Variants in MMP9 observed in about 807,000 individuals in gnomAD.
The protein encoded by MMP9 is matrix metallopeptidase 9.
A neutral mutation model predicts 76.4 loss-of-function variants in MMP9; 73 were observed. The observed-to-expected ratio is 0.96, with a 90% confidence interval of 0.79 to 1.16. The LOEUF is 1.16. Ranked by LOEUF, MMP9 falls within the 50% of genes most tolerant of loss-of-function variation. The pLI, the probability that MMP9 is intolerant of heterozygous loss-of-function variation, is 0.00. For missense variants in MMP9, 943 were observed against 973.0 expected, an observed-to-expected ratio of 0.97 and a Z score of 0.41; for synonymous variants, 412 against 408.4, an observed-to-expected ratio of 1.01 and a Z score of -0.11.
chr20:46,011,878 C>T lies in MMP9; in HGVS notation c.997+131C>T, dbSNP rs1014590819. ...TCCTCAGGACGACCGTGACTCCGCC[C>T]ACCTACACCACATTTCCACCACTAT... On this transcript the variant is annotated intron_variant, in intron 6 of 12. Transcript: ENST00000372330. The T allele has an allele frequency of 3.5e-5, 41 of 1,164,140 alleles. 1 individual carries two copies. The African/African-American group carries it at 5.3e-4, about 15-fold the overall frequency. The allele number at this position is 1,164,140 out of a possible 1,614,324, so 72.1% of individuals were successfully genotyped here.
chr20:46,010,321 C>CAAAAGAAAAAA (rs2084268143), intron 2 of MMP9, among the ~76,000 whole-genome samples, 162 bp from the exon 3 acceptor site: 1 of 62,504 alleles, frequency 1.6e-5, no homozygotes, highest in African/African-American at 8.7e-5. Context: ...TCTAAGTAGA[C>CAAAAGAAAAAA]AAAAAAAAAA....
chr20:46,011,692 C>G lies in MMP9; in HGVS notation c.942C>G (p.Cys314Trp). ...GTCGCTCCGACGGCTACCGCTGGTGCGCCACCACCGCCAACTACGACCGGG... is the reference window on the plus strand; with the variant it reads ...GTCGCTCCGACGGCTACCGCTGGTGGGCCACCACCGCCAACTACGACCGGG... ...TDGRSDGYRW[C>W]ATTANYDRDK... The change falls in exon 6 of 13, where the codon TGC becomes TGG. Residue 314 changes from cysteine (C) to tryptophan (W), a missense_variant. By Grantham distance (215) the Cys-to-Trp change is radical (BLOSUM62 -2). Transcript: ENST00000372330. 1 of 1,613,912 alleles carries G rather than the reference C, an allele frequency of 6.2e-7. No individual in the cohort carries two copies.
In MMP9 at chr20:46,012,455, T is replaced by G. The variant is rs1398587848; in HGVS notation, c.1203T>G (p.His401Gln). 3 of 1,613,974 alleles carry G rather than the reference T, an allele frequency of 1.9e-6. No homozygotes were observed. Among genetic ancestry groups the G allele is most frequent in the Non-Finnish European group, 2.5e-6 (3 of 1,179,974 alleles). ...ACAGTTTGTTCCTCGTGGCGGCGCA[T>G]GAGTTCGGCCACGCGCTGGGCTTAG... is the stretch of plus-strand genomic sequence containing the variant. ...QGYSLFLVAA[H>Q]EFGHALGLDH... The change falls in exon 8 of 13, where the codon CAT becomes CAG. Residue 401 changes from histidine (H) to glutamine (Q), a missense_variant. Transcript: ENST00000372330.
chr20:46,010,321 C>CAAAAAAAAA lies in MMP9; in HGVS notation c.372-150_372-142dup, dbSNP rs58031394. Among the ~76,000 whole-genome samples, 151 of 62,426 alleles carry CAAAAAAAAA rather than the reference C, an allele frequency of 2.4e-3. 15 individuals carry two copies. The highest frequency in any genetic ancestry group is 7.4e-3 in the African/African-American group (85 of 11,468). 41.0% of individuals were successfully genotyped at this position (62,426 alleles called of 152,430 possible). A position where few individuals can be genotyped will look rare whatever the true frequency, so the allele number is the denominator to read the frequency against. On this transcript the variant is annotated intron_variant, in intron 2 of 12. Transcript: ENST00000372330. ...GGGCCATTGTGAGGGTCTAAGTAGA[C>CAAAAAAAAA]AAAAAAAAAAAAAAAAAAAACAGTC... is the stretch of plus-strand genomic sequence containing the variant.
At chr20:46,012,871 A>G (rs1279972516) in intron 8 of MMP9, among the ~76,000 whole-genome samples, 1 of 152,180 alleles carries the variant, frequency 6.6e-6, no homozygotes, top group Non-Finnish European at 1.5e-5. Context: ...AGGCGGGAGG[A>G]TTGCTTAAGC....
intron 11 of MMP9, 22 bp downstream of exon 11, chr20:46,014,296 G>C: frequency 1.3e-6 from 2 of 1,532,402 alleles, no homozygotes; most frequent in Non-Finnish European, 1.8e-6. Flanking sequence ...CGCGGCCGCC[G>C]GCAGGGGGAG....
chr20:46,010,335 A>AAAAAAAAAAAAAAAAAAAAAAG (rs1339625180), intron 2 of MMP9, 148 bp from the exon 3 acceptor site: 2 of 879,224 alleles, frequency 2.3e-6, no homozygotes, highest in Non-Finnish European at 3.5e-6. Context: ...AAAAAAAAAA[A>AAAAAAAAAAAAAAAAAAAAAAG]AAAAAACAGT....
intron 12 of MMP9, 142 bp from the exon 13 acceptor site, chr20:46,016,107 AG>A: frequency 1.2e-6 from 1 of 821,032 alleles, no homozygotes; most frequent in Non-Finnish European, 2.1e-6. Context: ...AGCATCTCAC[AG>A]GTTGGGGGGA....
intron 1 of MMP9, 39 bp downstream of exon 1, chr20:46,009,103 C>A (rs763562821): frequency 1.2e-6 from 2 of 1,604,264 alleles, no homozygotes; most frequent in African/African-American, 1.3e-5. Context: ...GAGGGCTGTC[C>A]GTGAGGGTGT....
In MMP9 at chr20:46,016,519, T is replaced by G; in HGVS notation, c.*151T>G. ...GGGCCCTCTCTTCTCACCTTTGTTTTTTGTTGGAGTGTTTCTAATAAACTT... is the reference window on the plus strand; with the variant it reads ...GGGCCCTCTCTTCTCACCTTTGTTTGTTGTTGGAGTGTTTCTAATAAACTT... On this transcript the variant is annotated 3_prime_UTR_variant, in exon 13 of 13. Transcript: ENST00000372330. 1.4e-6 allele frequency: 1 copy of G among 700,028 alleles called. No homozygotes were observed. Among genetic ancestry groups the G allele is most frequent in the Non-Finnish European group, 2.6e-6 (1 of 385,116 alleles). The allele number at this position is 700,028 out of a possible 1,614,324, so 43.4% of individuals were successfully genotyped here.
chr20:46,014,683 C>A, intron 12 of MMP9: 2 of 618,398 alleles, frequency 3.2e-6, no homozygotes, highest in Non-Finnish European at 2.9e-6. Context: ...CCTGCCTCCC[C>A]GGCTGGAAGC....
chr20:46,009,931 G>T lies in MMP9; in HGVS notation c.204G>T (p.Gly68=). 6.4e-7 allele frequency: 1 copy of T among 1,552,192 alleles called. No individual in the cohort carries two copies. Among genetic ancestry groups the T allele is most frequent in the South Asian group, 1.2e-5 (1 of 84,120 alleles). Residue 68 remains glycine, a synonymous_variant, in exon 2 of 13, where the codon GGG becomes GGT. Coordinates refer to ENST00000372330, the MANE Select transcript of MMP9 (RefSeq NM_004994.3). ...TGCGTGGAGAGTCGAAATCTCTGGG[G>T]CCTGCGCTGCTGCTTCTCCAGAAGC... ...AEMRGESKSL[G]PALLLLQKQL...
chr20:46,010,330 A>AAAAAAAAAAAAAAC (rs2084269756), intron 2 of MMP9, among the ~76,000 whole-genome samples, 153 bp from the exon 3 acceptor site: 4 of 101,928 alleles, frequency 3.9e-5, no homozygotes, highest in Admixed American at 3.6e-4. Flanking sequence ...ACAAAAAAAA[A>AAAAAAAAAAAAAAC]AAAAAAAAAA....
chr20:46,009,967 G>T lies in MMP9; in HGVS notation c.240G>T (p.Leu80=), dbSNP rs2084264586. 4 of 1,551,946 alleles carry T rather than the reference G, an allele frequency of 2.6e-6. No homozygotes were observed. Among genetic ancestry groups the T allele is most frequent in the Middle Eastern group, 1.7e-4 (1 of 5,990 alleles). ...ALLLLQKQLS[L]PETGELDSAT... Reference sequence around the variant, plus strand: ...TGCTTCTCCAGAAGCAACTGTCCCTGCCCGAGACCGGTGAGCTGGATAGCG... The same window carrying T: ...TGCTTCTCCAGAAGCAACTGTCCCTTCCCGAGACCGGTGAGCTGGATAGCG... Residue 80 remains leucine (L), a synonymous_variant, in exon 2 of 13, where the codon CTG becomes CTT. Coordinates refer to ENST00000372330, the MANE Select transcript of MMP9 (RefSeq NM_004994.3).
rs1023016936 is a variant in MMP9 at position 46,016,133 on chromosome 20, G to A, written c.2006-117G>A. On this transcript the variant is annotated intron_variant, in intron 12 of 12. Transcript: ENST00000372330. ...GGTTGGGGGGATGGAGGTGATATGTGAAAACCTTAGAAAGTTCTAGAAATG... is the reference window on the plus strand; with the variant it reads ...GGTTGGGGGGATGGAGGTGATATGTAAAAACCTTAGAAAGTTCTAGAAATG... 9.7e-6 allele frequency: 10 copies of A among 1,036,172 alleles called. 1 individual carries two copies. The highest frequency in any genetic ancestry group is 3.4e-5 in the Admixed American group (2 of 58,586). 64.2% of individuals were successfully genotyped at this position (1,036,172 alleles called of 1,614,324 possible). A position where few individuals can be genotyped will look rare whatever the true frequency, so the allele number is the denominator to read the frequency against.
Position 46,012,635 on chromosome 20 carries a change from C to A in MMP9, c.1330+53C>A, listed in dbSNP as rs2145454530. 4.7e-6 allele frequency: 7 copies of A among 1,478,356 alleles called. No individual in the cohort carries two copies. In the East Asian group the frequency reaches 9.9e-5, roughly 21 times the overall value. The allele number at this position is 1,478,356 out of a possible 1,614,324, so 91.6% of individuals were successfully genotyped here. On this transcript the variant is annotated intron_variant, in intron 8 of 12. Coordinates refer to ENST00000372330, the MANE Select transcript of MMP9 (RefSeq NM_004994.3). ...GAGGGGAAAGGGCGTGGCTGTGCCA[C>A]AGTACCAAAGAATTGGGGGTTGGGG...
In MMP9 at chr20:46,011,614, C is replaced by T. The variant is rs200746581; in HGVS notation, c.864C>T (p.Cys288=). 3.1e-6 allele frequency: 5 copies of T among 1,613,804 alleles called. No individual in the cohort carries two copies. Among genetic ancestry groups the T allele is most frequent in the Middle Eastern group, 3.3e-4 (2 of 6,060 alleles). The part of the protein sequence containing the change: ...TQDGNADGKP[C]QFPFIFQGQS... ...ACGGCAATGCTGATGGGAAACCCTG[C>T]CAGTTTCCATTCATCTTCCAAGGCC... Residue 288 remains cysteine, a synonymous_variant, in exon 6 of 13, where the codon TGC becomes TGT. Coordinates refer to ENST00000372330, the MANE Select transcript of MMP9 (RefSeq NM_004994.3).
In MMP9 at chr20:46,010,649, G is replaced by C; in HGVS notation, c.520+18G>C. 1 of 1,608,540 alleles carries C rather than the reference G, an allele frequency of 6.2e-7. No homozygotes were observed. The highest frequency in any genetic ancestry group is 1.3e-5 in the African/African-American group (1 of 74,936). ...TGTCGCGGGTGAGAACGTGAGGAGG[G>C]AAAATCCAAGAGACCTGGGCGGGGT... On this transcript the variant is annotated intron_variant, in intron 3 of 12. Transcript: ENST00000372330.
Position 46,011,141 on chromosome 20 carries a change from A to T in MMP9, c.650-2A>T, listed in dbSNP as rs979973452. 1.9e-6 allele frequency: 3 copies of T among 1,614,018 alleles called. No homozygotes were observed. Among genetic ancestry groups the T allele is most frequent in the Non-Finnish European group, 2.5e-6 (3 of 1,180,014 alleles). ...TAACTCCGGTCCCCCCTCCTCCTGC[A>T]GTGGTTCCAACTCGGTTTGGAAACG... On this transcript the variant is annotated splice_acceptor_variant, in intron 4 of 12. Transcript: ENST00000372330. LOFTEE classifies it high-confidence loss of function.
Sources: gnomAD v4.1 joint callset for allele counts (sites outside exome capture counted in the v4.1 genomes callset) on GRCh38, gnomAD v4.1.1 for gene constraint, MANE v1.5 for transcripts, NCBI Gene and HGNC (gene_info 2026-07-23, HGNC 2026-07-21) for gene names.